Variants in LRRC4C observed in about 807,000 individuals in gnomAD.
LRRC4C encodes the protein leucine rich repeat containing 4C.
LRRC4C carries 5 observed loss-of-function variants against 33.6 expected under a neutral mutation model. The observed-to-expected ratio is 0.15, with a 90% CI of 0.08 to 0.31. The LOEUF (loss-of-function observed/expected upper bound fraction) is 0.31. Among genes scored for constraint, LRRC4C ranks in the 10% least tolerant of loss-of-function variants. The pLI is 1.00. For missense variants in LRRC4C, 560 were observed against 796.7 expected (o/e 0.70, Z 3.58); for synonymous variants, 329 against 302.0 (o/e 1.09, Z -0.93).
intron 4 of LRRC4C, among the ~76,000 whole-genome samples, chr11:40,297,942 G>T (rs1278233319): frequency 6.6e-6 from 1 of 152,134 alleles, no homozygotes; most frequent in East Asian, 1.9e-4. Context: ...GTGATGGATA[G>T]AAATGATTTG....
In LRRC4C at chr11:41,040,378, T is replaced by C. The variant is rs114293224; in HGVS notation, c.-495-106655A>G. On this transcript the variant is annotated intron_variant, in intron 1 of 6. Transcript: ENST00000528697. ...TGAATAAGTGAGTATTTACTGAATA[T>C]CTACTACATAAAGCATCCTGAGGTC... Among the ~76,000 whole-genome samples, 1,492 of 152,256 alleles carry C rather than the reference T, an allele frequency of 9.8e-3. 24 individuals carry two copies. The highest frequency in any genetic ancestry group is 0.037 in the South Asian group (181 of 4,828).
intron 1 of LRRC4C, among the ~76,000 whole-genome samples, chr11:41,074,686 G>GA: frequency 6.6e-6 from 1 of 152,258 alleles, no homozygotes; most frequent in East Asian, 1.9e-4. Flanking sequence ...CTGACTTACT[G>GA]AAAAACCAGT....
At chr11:40,748,217 A>G (rs933298791) in intron 2 of LRRC4C, among the ~76,000 whole-genome samples, 6 of 152,264 alleles carry the variant, frequency 3.9e-5, no homozygotes, top group African/African-American at 1.2e-4. Flanking sequence ...TTTTCTCAGG[A>G]GAAACTTTTC....
chr11:41,156,846 A>AT (rs1366053098), intron 1 of LRRC4C, among the ~76,000 whole-genome samples: 1 of 151,980 alleles, frequency 6.6e-6, no homozygotes, highest in Non-Finnish European at 1.5e-5. Context: ...TATGGTTTGG[A>AT]TGTTTTTGTC....
chr11:40,774,826 T>C (rs1454711824), intron 2 of LRRC4C, among the ~76,000 whole-genome samples: 1 of 152,122 alleles, frequency 6.6e-6, no homozygotes, highest in East Asian at 1.9e-4. Flanking sequence ...CTATTTGGCA[T>C]TATGTATCTA....
intron 3 of LRRC4C, among the ~76,000 whole-genome samples, chr11:40,464,992 C>G (rs79556580): frequency 9.3e-4 from 141 of 151,854 alleles, no homozygotes; most frequent in Middle Eastern, 3.4e-3. Flanking sequence ...ACCAAAAAAG[C>G]ACCTGAACAG....
At chr11:40,123,647 A>G (rs1855991182) in intron 6 of LRRC4C, among the ~76,000 whole-genome samples, 1 of 152,142 alleles carries the variant, frequency 6.6e-6, no homozygotes. Context: ...CAATAGGATT[A>G]AAATGTCCAT....
At chr11:40,900,917 T>A (rs1956169191) in intron 2 of LRRC4C, among the ~76,000 whole-genome samples, 1 of 152,080 alleles carries the variant, frequency 6.6e-6, no homozygotes, top group South Asian at 2.1e-4. Flanking sequence ...AAAAGAGAAC[T>A]AGAAAGTTAT....
chr11:40,715,959 A>G (rs1347453586), intron 2 of LRRC4C, among the ~76,000 whole-genome samples: 2 of 152,214 alleles, frequency 1.3e-5, no homozygotes, highest in East Asian at 3.9e-4. Flanking sequence ...TGGGACAATT[A>G]CATGAACAGA....
At chr11:41,182,516 T>A (rs1218935566) in intron 1 of LRRC4C, among the ~76,000 whole-genome samples, 4 of 152,192 alleles carry the variant, frequency 2.6e-5, no homozygotes, top group Non-Finnish European at 5.9e-5. Flanking sequence ...TAAACAATGT[T>A]TCTGAACCAC....
chr11:40,262,406 T>C (rs1045710970), intron 4 of LRRC4C, among the ~76,000 whole-genome samples: 2 of 152,144 alleles, frequency 1.3e-5, no homozygotes, highest in South Asian at 2.1e-4. Flanking sequence ...AGTTCAACCA[T>C]TGTGGAAGAC....
intron 1 of LRRC4C, among the ~76,000 whole-genome samples, chr11:41,121,351 G>C (rs994750225): frequency 2.6e-5 from 4 of 152,118 alleles, no homozygotes; most frequent in Non-Finnish European, 5.9e-5. Context: ...GGGTAGGCTT[G>C]ATAAGCAATA....
chr11:40,636,536 G>T (rs1941760909), intron 3 of LRRC4C, among the ~76,000 whole-genome samples: 1 of 152,120 alleles, frequency 6.6e-6, no homozygotes, highest in Non-Finnish European at 1.5e-5. Context: ...GTGGGCTCAG[G>T]ATAGAGAAAT....
At chr11:41,153,827 G>T (rs1325063579) in intron 1 of LRRC4C, among the ~76,000 whole-genome samples, 1 of 152,096 alleles carries the variant, frequency 6.6e-6, no homozygotes, top group African/African-American at 2.4e-5. Flanking sequence ...CTTCACAGAT[G>T]TGAGTAAGGG....
intron 5 of LRRC4C, among the ~76,000 whole-genome samples, chr11:40,196,793 G>A (rs925594634): frequency 6.6e-6 from 1 of 152,100 alleles, no homozygotes; most frequent in Non-Finnish European, 1.5e-5. Context: ...CTATTACTCT[G>A]TATATACAAA....
intron 3 of LRRC4C, among the ~76,000 whole-genome samples, chr11:40,617,804 GCA>G (rs1962013865): frequency 6.6e-6 from 1 of 151,660 alleles, no homozygotes; most frequent in Non-Finnish European, 1.5e-5. Flanking sequence ...AACCATTTTA[GCA>G]TCCCCTTTTC....
At chr11:40,915,914 G>C (rs1956937150) in intron 2 of LRRC4C, among the ~76,000 whole-genome samples, 1 of 152,132 alleles carries the variant, frequency 6.6e-6, no homozygotes, top group South Asian at 2.1e-4. Context: ...CTCAAAAGAA[G>C]ACATTTATGC....
intron 2 of LRRC4C, among the ~76,000 whole-genome samples, chr11:40,762,520 C>T (rs1036246721): frequency 1.3e-5 from 2 of 152,084 alleles, no homozygotes; most frequent in Non-Finnish European, 2.9e-5. Flanking sequence ...GGAATAGGCA[C>T]TTTATGAGGT....
intron 1 of LRRC4C, among the ~76,000 whole-genome samples, chr11:41,442,939 A>T (rs976431116): frequency 2.6e-5 from 4 of 152,170 alleles, no homozygotes; most frequent in African/African-American, 9.6e-5. Context: ...CTTTTGAGGC[A>T]TGTATGATTC....
Sources: allele counts gnomAD v4.1 joint callset (sites outside exome capture counted in the v4.1 genomes callset), GRCh38; gene constraint gnomAD v4.1.1; transcripts MANE v1.5; gene names NCBI Gene and HGNC (gene_info 2026-07-23, HGNC 2026-07-21).